UGT1A5: variants seen among roughly 807,000 people sequenced by gnomAD.
The protein encoded by UGT1A5 is UDP-glucuronosyltransferase 1A5.
UGT1A5 carries 29 observed loss-of-function variants against 40.3 expected under a neutral mutation model. The observed-to-expected ratio is 0.72, with a 90% CI of 0.54 to 0.98. The LOEUF (loss-of-function observed/expected upper bound fraction) is 0.98. UGT1A5 is among the 50% of genes least tolerant of loss of function. UGT1A5 has a pLI of 0.00. For missense variants in UGT1A5, 678 were observed against 677.9 expected, an observed-to-expected ratio of 1.00 and a Z score of 0.00; for synonymous variants, 257 against 262.5, an observed-to-expected ratio of 0.98 and a Z score of 0.20.
At chr2:233,739,373 G>T (rs1209050153) in intron 1 of UGT1A5, among the ~76,000 whole-genome samples, 1 of 152,200 alleles carries the variant, frequency 6.6e-6, no homozygotes, top group Non-Finnish European at 1.5e-5. Flanking sequence ...CTTGCACTGT[G>T]TGCCTGGAAG....
At chr2:233,728,241 AG>A (rs2077692847) in intron 1 of UGT1A5, among the ~76,000 whole-genome samples, 1 of 152,098 alleles carries the variant, frequency 6.6e-6, no homozygotes, top group Non-Finnish European at 1.5e-5. Context: ...GATGAAATAA[AG>A]GCCTGGATGA....
chr2:233,730,856 C>T (rs1409792373), intron 1 of UGT1A5, among the ~76,000 whole-genome samples: 1 of 152,142 alleles, frequency 6.6e-6, no homozygotes, highest in Non-Finnish European at 1.5e-5. Flanking sequence ...TCACCAAACC[C>T]ACCCTACTGC....
rs199688431 is a variant in UGT1A5 at position 233,719,254 on chromosome 2, C to G, written c.867+5396C>G. On this transcript the variant is annotated intron_variant, in intron 1 of 4. Transcript: ENST00000373414. Reference sequence around the variant, plus strand: ...CTGATCAGGCACCTGAATGCTACTTCCTTTGATGTGGTTTTAACAGACCCC... The same window carrying G: ...CTGATCAGGCACCTGAATGCTACTTGCTTTGATGTGGTTTTAACAGACCCC... The G allele has an allele frequency of 3.7e-6, 6 of 1,614,048 alleles. No individual in the cohort carries two copies. In the Admixed American group the frequency reaches 1.0e-4, roughly 27 times the overall value.
chr2:233,722,439 G>C (rs1180645142), intron 1 of UGT1A5, among the ~76,000 whole-genome samples: 1 of 152,066 alleles, frequency 6.6e-6, no homozygotes, highest in African/African-American at 2.4e-5. Context: ...TTATTTGATT[G>C]GTCTTCTCAA....
At chr2:233,761,149 C>G (rs1575779799) in intron 1 of UGT1A5, 1 of 1,614,176 alleles carries the variant, frequency 6.2e-7, no homozygotes, top group East Asian at 2.2e-5. Context: ...TCCACTATCC[C>G]AGGTGTGTAT....
At chr2:233,724,744 A>T (rs2077304128) in intron 1 of UGT1A5, among the ~76,000 whole-genome samples, 2 of 143,018 alleles carry the variant, frequency 1.4e-5, no homozygotes, top group South Asian at 5.1e-4. Context: ...GGCTCCTCAC[A>T]TCCCAGACGA....
At chr2:233,733,336 C>T (rs185739129) in intron 1 of UGT1A5, among the ~76,000 whole-genome samples, 4 of 152,264 alleles carry the variant, frequency 2.6e-5, no homozygotes, top group Admixed American at 2.6e-4. Context: ...CCAGAACTTC[C>T]AACAGTATGT....
intron 2 of UGT1A5, 55 bp downstream of exon 2, chr2:233,767,220 C>G (rs1167186563): frequency 6.2e-7 from 1 of 1,611,536 alleles, no homozygotes; most frequent in African/African-American, 1.3e-5. Flanking sequence ...GCGCTAATCC[C>G]AGACTTCCAG....
intron 1 of UGT1A5, among the ~76,000 whole-genome samples, chr2:233,724,415 C>T (rs1413397133): frequency 1.7e-4 from 22 of 126,854 alleles, no homozygotes; most frequent in East Asian, 7.8e-4. Flanking sequence ...GGGTGGCTGC[C>T]GGGCGGAGAG....
chr2:233,729,140 T>A (rs764216877), intron 1 of UGT1A5: 1 of 1,613,384 alleles, frequency 6.2e-7, no homozygotes, highest in Admixed American at 1.7e-5. Flanking sequence ...GCCACAGGAC[T>A]CCAGGTTCCC....
At chr2:233,759,465 A>T (rs1383052277) in intron 1 of UGT1A5, among the ~76,000 whole-genome samples, 2 of 152,106 alleles carry the variant, frequency 1.3e-5, no homozygotes, top group Non-Finnish European at 2.9e-5. Flanking sequence ...GCCACTCAAG[A>T]TCTATCTTAC....
At chr2:233,754,752 G>A in intron 1 of UGT1A5, 4 of 831,436 alleles carry the variant, frequency 4.8e-6, no homozygotes, top group Non-Finnish European at 7.2e-6. Context: ...GCAGAAGGAA[G>A]AAAGGCCCCC....
At chr2:233,739,662 G>A (rs1426546706) in intron 1 of UGT1A5, among the ~76,000 whole-genome samples, 1 of 152,182 alleles carries the variant, frequency 6.6e-6, no homozygotes, top group African/African-American at 2.4e-5. Context: ...TACCCCCATT[G>A]TGTCTTGGAA....
rs2077836996 is a variant in UGT1A5 at position 233,729,318 on chromosome 2, G to C, written c.867+15460G>C. The stretch of plus-strand genomic sequence containing the variant: ...ACCAGGCAGTGGTCCTCACCCCAGA[G>C]GTGAATATGCACATCAAAGAAGAGA... On this transcript the variant is annotated intron_variant, in intron 1 of 4. Transcript: ENST00000373414. 5 of 1,614,128 alleles carry C rather than the reference G, an allele frequency of 3.1e-6. No homozygotes were observed. In the Middle Eastern group the frequency reaches 6.6e-4, roughly 212 times the overall value.
rs534080873 is a variant in UGT1A5 at position 233,731,172 on chromosome 2, T to C, written c.867+17314T>C. Among the ~76,000 whole-genome samples, 21 of 152,344 alleles carry C rather than the reference T, an allele frequency of 1.4e-4. No individual in the cohort carries two copies. The South Asian group carries it at 3.1e-3, about 23-fold the overall frequency. The stretch of plus-strand genomic sequence containing the variant: ...CTTTTTGATCAAACGACATGATTTT[T>C]TTATGCAATGTAATTATTCAATTAT... On this transcript the variant is annotated intron_variant, in intron 1 of 4. Coordinates refer to ENST00000373414, the MANE Select transcript of UGT1A5 (RefSeq NM_019078.2).
At chr2:233,728,439 A>G (rs994532413) in intron 1 of UGT1A5, among the ~76,000 whole-genome samples, 1 of 152,136 alleles carries the variant, frequency 6.6e-6, no homozygotes, top group African/African-American at 2.4e-5. Context: ...CATGGTGTAT[A>G]TGGAGAATCC....
At chr2:233,729,556 A>T (rs150465811) in intron 1 of UGT1A5, 1 of 1,614,134 alleles carries the variant, frequency 6.2e-7, no homozygotes, top group East Asian at 2.2e-5. Context: ...CCTGAATGCT[A>T]CTTCCTTTGA....
rs1357928110 is a variant in UGT1A5 at position 233,713,253 on chromosome 2, G to A, written c.262G>A (p.Glu88Lys). 6.8e-6 allele frequency: 11 copies of A among 1,614,108 alleles called. No homozygotes were observed. Among genetic ancestry groups the A allele is most frequent in the Middle Eastern group, 1.6e-4 (1 of 6,084 alleles). The change falls in exon 1 of 5, where the codon GAA becomes AAA. Residue 88 changes from glutamate (E) to lysine (K), a missense_variant. Coordinates refer to ENST00000373414, the MANE Select transcript of UGT1A5 (RefSeq NM_019078.2). ...TTYAISWTQD[E>K]FDRLLLGHTQ... ...GTATGCCATTTCATGGACCCAGGAC[G>A]AATTTGATCGCCTTTTGCTGGGTCA...
intron 1 of UGT1A5, chr2:233,760,232 C>T: frequency 1.4e-6 from 2 of 1,429,080 alleles, no homozygotes; most frequent in South Asian, 2.6e-5. Flanking sequence ...TTGGTTTTTG[C>T]CATATATATA....
Sources: allele counts gnomAD v4.1 joint callset (sites outside exome capture counted in the v4.1 genomes callset), GRCh38; gene constraint gnomAD v4.1.1; transcripts MANE v1.5; gene names NCBI Gene and HGNC (gene_info 2026-07-23, HGNC 2026-07-21).